Variants in TRAPPC9 observed in about 807,000 individuals in gnomAD.
TRAPPC9 encodes the protein IKK2 binding protein.
A neutral mutation model predicts 124.0 loss-of-function variants in TRAPPC9; 83 were observed. The ratio of observed to expected loss-of-function variants is 0.67; its 90% CI spans 0.56 to 0.80. TRAPPC9 has a LOEUF of 0.80. Among genes scored for constraint, TRAPPC9 ranks in the 30% least tolerant of loss-of-function variants. TRAPPC9 has a pLI of 0.00. For missense variants in TRAPPC9, 1,302 were observed against 1,508.3 expected (o/e 0.86, Z 2.27); for synonymous variants, 638 against 617.5 (o/e 1.03, Z -0.49).
intron 10 of TRAPPC9, among the ~76,000 whole-genome samples, chr8:140,308,904 A>G (rs1434316992): frequency 6.6e-6 from 1 of 151,934 alleles, no homozygotes; most frequent in Non-Finnish European, 1.5e-5. Context: ...AAAGAAAGAA[A>G]CAGTCCATGA....
At chr8:139,760,580 C>T (rs1180249732) in intron 21 of TRAPPC9, among the ~76,000 whole-genome samples, 1 of 152,204 alleles carries the variant, frequency 6.6e-6, no homozygotes, top group Non-Finnish European at 1.5e-5. Context: ...TTGTGAGAAT[C>T]CTACGAAGTC....
At chr8:140,328,465 T>C (rs1353003569) in intron 9 of TRAPPC9, among the ~76,000 whole-genome samples, 1 of 152,058 alleles carries the variant, frequency 6.6e-6, no homozygotes, top group Non-Finnish European at 1.5e-5. Context: ...AAACTATCAT[T>C]CCAAGTGAGT....
chr8:140,210,654 G>A (rs970754094), intron 17 of TRAPPC9, among the ~76,000 whole-genome samples: 1 of 152,082 alleles, frequency 6.6e-6, no homozygotes, highest in Non-Finnish European at 1.5e-5. Flanking sequence ...GCTGTCTTGG[G>A]AACAAACAGA....
At chr8:140,401,563 T>C (rs958595407) in intron 6 of TRAPPC9, among the ~76,000 whole-genome samples, 1 of 152,228 alleles carries the variant, frequency 6.6e-6, no homozygotes, top group Non-Finnish European at 1.5e-5. Flanking sequence ...TTTTCCCACA[T>C]ATTTTTGGTT....
chr8:140,340,188 T>A (rs1288688868), intron 9 of TRAPPC9, among the ~76,000 whole-genome samples: 1 of 152,200 alleles, frequency 6.6e-6, no homozygotes, highest in Non-Finnish European at 1.5e-5. Flanking sequence ...AGTTAAAGAT[T>A]AGAGTCAGAG....
At chr8:140,308,400 G>A (rs1462759026) in intron 10 of TRAPPC9, among the ~76,000 whole-genome samples, 3 of 151,376 alleles carry the variant, frequency 2.0e-5, no homozygotes, top group African/African-American at 4.9e-5. Flanking sequence ...GTCGTACTGA[G>A]GTTCCGTGGG....
rs1818646379 is a variant in TRAPPC9, at chr8:139,742,707, G to A, written c.3056-10505C>T. On this transcript the variant is annotated intron_variant, in intron 21 of 22. Coordinates refer to ENST00000438773, the MANE Select transcript of TRAPPC9 (RefSeq NM_001160372.4). This position sits in a 1 kb window ranked among gnomAD's most constrained non-coding sequence, Gnocchi z 4.7. ...GACATGAGGACCAGCAGGTCAGATGGGCCCAGCATGCACGGTTGCTTTCAA... is the reference window on the plus strand; with the variant it reads ...GACATGAGGACCAGCAGGTCAGATGAGCCCAGCATGCACGGTTGCTTTCAA... 6.6e-6 allele frequency among the ~76,000 whole-genome samples: 1 copy of A among 152,196 alleles called. No individual in the cohort carries two copies. The highest frequency in any genetic ancestry group is 6.5e-5 in the Admixed American group (1 of 15,284).
chr8:139,915,633 G>A (rs758701883), intron 19 of TRAPPC9, among the ~76,000 whole-genome samples: 7 of 152,188 alleles, frequency 4.6e-5, no homozygotes, highest in Non-Finnish European at 2.9e-5. Context: ...CAAGAATCTG[G>A]GTCTGGGCCC....
At chr8:139,861,383 G>A (rs1447579058) in intron 21 of TRAPPC9, among the ~76,000 whole-genome samples, 3 of 152,098 alleles carry the variant, frequency 2.0e-5, no homozygotes, top group Admixed American at 6.6e-5. Context: ...GTAGTCTGGT[G>A]GGAAGGACAC....
chr8:139,845,984 G>C (rs963778229), intron 21 of TRAPPC9, among the ~76,000 whole-genome samples: 10 of 152,224 alleles, frequency 6.6e-5, no homozygotes, highest in African/African-American at 2.4e-4. Context: ...AGAGCACCAG[G>C]GAAGGCTTCA....
chr8:140,239,556 C>T (rs889940037), intron 16 of TRAPPC9, among the ~76,000 whole-genome samples: 1 of 152,168 alleles, frequency 6.6e-6, no homozygotes, highest in Non-Finnish European at 1.5e-5. Context: ...GGTGTGCTTC[C>T]CTTTGCTCGG....
At chr8:140,051,369 T>C (rs1450479382) in intron 17 of TRAPPC9, among the ~76,000 whole-genome samples, 3 of 152,180 alleles carry the variant, frequency 2.0e-5, no homozygotes, top group East Asian at 1.9e-4. Context: ...GTCGGTCATT[T>C]TTCACATGGG....
intron 19 of TRAPPC9, among the ~76,000 whole-genome samples, chr8:139,939,742 T>C (rs1042088658): frequency 2.0e-5 from 3 of 152,240 alleles, no homozygotes; most frequent in African/African-American, 4.8e-5. Flanking sequence ...GATCATGGCT[T>C]ATTCAGTATT....
chr8:140,249,699 G>T (rs548211110), intron 16 of TRAPPC9, among the ~76,000 whole-genome samples: 40 of 149,144 alleles, frequency 2.7e-4, no homozygotes, highest in African/African-American at 9.7e-4. Flanking sequence ...CGCCTCCCGG[G>T]TTCACGCCAT....
intron 19 of TRAPPC9, among the ~76,000 whole-genome samples, chr8:139,930,571 TG>T (rs1408119848): frequency 6.6e-6 from 1 of 152,178 alleles, no homozygotes; most frequent in Non-Finnish European, 1.5e-5. Flanking sequence ...ACAGACAAAA[TG>T]GTACCAGTGA....
At chr8:140,199,249 C>T (rs1054596919) in intron 17 of TRAPPC9, among the ~76,000 whole-genome samples, 3 of 152,004 alleles carry the variant, frequency 2.0e-5, no homozygotes, top group Admixed American at 6.6e-5. Context: ...TCTGTATTTC[C>T]GACAGGTCTC....
At chr8:140,033,677 T>TGTTTTTTTG (rs1473241600) in intron 17 of TRAPPC9, among the ~76,000 whole-genome samples, 9 of 100,252 alleles carry the variant, frequency 9.0e-5, no homozygotes, top group African/African-American at 3.0e-4. Flanking sequence ...TTTTTTTTTT[T>TGTTTTTTTG]TTTTTTTTTT....
In TRAPPC9 at chr8:139,981,061, G is replaced by C. The variant is rs189425339; in HGVS notation, c.2810+7665C>G. Among the ~76,000 whole-genome samples the C allele has an allele frequency of 1.7e-3, 261 of 152,328 alleles. 2 individuals carry two copies. The highest frequency in any genetic ancestry group is 6.2e-3 in the African/African-American group (256 of 41,576). ...TCAGCAAACCACTGCATCTTCCCCAGCATTGAATTTCTCGAATCCAATTGC... is the reference window on the plus strand; with the variant it reads ...TCAGCAAACCACTGCATCTTCCCCACCATTGAATTTCTCGAATCCAATTGC... On this transcript the variant is annotated intron_variant, in intron 19 of 22. Transcript: ENST00000438773.
intron 15 of TRAPPC9, among the ~76,000 whole-genome samples, chr8:140,266,726 G>A (rs1279799354): frequency 6.7e-6 from 1 of 150,356 alleles, no homozygotes; most frequent in African/African-American, 2.5e-5. Flanking sequence ...CGGGCGTGGT[G>A]GTGGGTGCCT....
Sources: gnomAD v4.1 joint callset for allele counts (sites outside exome capture counted in the v4.1 genomes callset) on GRCh38, gnomAD v4.1.1 for gene constraint, Gnocchi (gnomAD v3.1) non-coding constraint, MANE v1.5 for transcripts, NCBI Gene and HGNC (gene_info 2026-07-23, HGNC 2026-07-21) for gene names.